SNX11: variants seen among roughly 807,000 people sequenced by gnomAD.
SNX11 encodes sorting nexin-11.
Under a neutral mutation model 30.7 loss-of-function variants are expected in SNX11, and 19 were observed. That is an observed-to-expected ratio of 0.62 (90% CI 0.43 to 0.91). The LOEUF (loss-of-function observed/expected upper bound fraction) is 0.91. Among genes scored for constraint, SNX11 ranks in the 40% least tolerant of loss-of-function variants. SNX11 has a pLI of 0.00. For missense variants in SNX11, 302 were observed against 326.7 expected (o/e 0.92, Z 0.58); for synonymous variants, 112 against 119.0 (o/e 0.94, Z 0.38).
intron 4 of SNX11, among the ~76,000 whole-genome samples, chr17:48,116,643 C>T (rs1252939093): frequency 2.7e-5 from 4 of 150,786 alleles, no homozygotes; most frequent in South Asian, 2.1e-4. Flanking sequence ...GGTGCAATCT[C>T]GGCTCACTGC....
intron 1 of SNX11, among the ~76,000 whole-genome samples, chr17:48,108,261 G>A (rs921702095): frequency 6.6e-6 from 1 of 152,236 alleles, no homozygotes; most frequent in Non-Finnish European, 1.5e-5. Flanking sequence ...CCTTCCAAGT[G>A]AAAGGCGTAC....
At chr17:48,117,711 A>G (rs2063559828) in intron 4 of SNX11, among the ~76,000 whole-genome samples, 1 of 152,118 alleles carries the variant, frequency 6.6e-6, no homozygotes, top group South Asian at 2.1e-4. Context: ...TTTCATAAAC[A>G]ACATAGTGTG....
chr17:48,120,639 G>A (rs1243818462), intron 6 of SNX11, among the ~76,000 whole-genome samples: 3 of 150,088 alleles, frequency 2.0e-5, no homozygotes, highest in Admixed American at 6.7e-5. Context: ...CTCCCGAGTA[G>A]CTGGGACTAC....
At chr17:48,111,710 C>T (rs2063494114) in intron 1 of SNX11, among the ~76,000 whole-genome samples, 1 of 151,446 alleles carries the variant, frequency 6.6e-6, no homozygotes, top group African/African-American at 2.4e-5. Flanking sequence ...CTGCATTCTT[C>T]AAGGCAAAAG....
chr17:48,121,183 A>G (rs1212106805), intron 6 of SNX11, 52 bp from the exon 7 acceptor site: 20 of 1,589,896 alleles, frequency 1.3e-5, no homozygotes, highest in East Asian at 4.5e-5. Context: ...GAGTCTCCCT[A>G]TGTTACCCAA....
chr17:48,108,350 T>C (rs1416785650), intron 1 of SNX11, among the ~76,000 whole-genome samples: 1 of 152,248 alleles, frequency 6.6e-6, no homozygotes, highest in Non-Finnish European at 1.5e-5. Context: ...GGGAGCTTCC[T>C]CTGTTTAGTA....
Position 48,112,640 on chromosome 17 carries a change from G to A in SNX11, c.109G>A (p.Asp37Asn). ...QNEGSWNSYV[D>N]YKIFLHTNSK... ...TGAGGGCTCCTGGAACTCTTATGTG[G>A]ATTATAAGATATTCCTCCATGTGAG... is the stretch of plus-strand genomic sequence containing the variant. Residue 37 changes from aspartate (D) to asparagine (N), a missense_variant, in exon 3 of 7, where the codon GAT becomes AAT. Coordinates refer to ENST00000359238, the MANE Select transcript of SNX11 (RefSeq NM_013323.3). 1 of 1,611,452 alleles carries A rather than the reference G, an allele frequency of 6.2e-7. No homozygotes were observed. Among genetic ancestry groups the A allele is most frequent in the Non-Finnish European group, 8.5e-7 (1 of 1,177,804 alleles).
At chr17:48,109,906 C>A (rs1028162543) in intron 1 of SNX11, among the ~76,000 whole-genome samples, 4 of 152,080 alleles carry the variant, frequency 2.6e-5, no homozygotes, top group African/African-American at 9.7e-5. Flanking sequence ...ATACAAACTT[C>A]CTGAGACCAA....
intron 6 of SNX11, among the ~76,000 whole-genome samples, 175 bp downstream of exon 6, chr17:48,119,361 G>C (rs2063576594): frequency 6.6e-6 from 1 of 152,218 alleles, no homozygotes; most frequent in African/African-American, 2.4e-5. Context: ...CCACCACTGG[G>C]TAGCAGGGGC....
At chr17:48,119,309 C>G in intron 6 of SNX11, 123 bp downstream of exon 6, 1 of 777,436 alleles carries the variant, frequency 1.3e-6, no homozygotes, top group Non-Finnish European at 2.1e-6. Flanking sequence ...CTTTCTTGTT[C>G]TTTGGGTGCG....
At chr17:48,112,995 C>G (rs1174206551) in intron 3 of SNX11, 3 of 291,766 alleles carry the variant, frequency 1.0e-5, no homozygotes, top group Non-Finnish European at 1.3e-5. Context: ...TCCTTGGCCT[C>G]CCAAAGTGCT....
chr17:48,110,773 T>C (rs2063484062), intron 1 of SNX11: 1 of 152,574 alleles, frequency 6.6e-6, no homozygotes, highest in Non-Finnish European at 1.5e-5. Context: ...TCAAGGTAAA[T>C]TGGAAAGGGA....
chr17:48,112,808 G>A (rs773714105), intron 3 of SNX11, 148 bp downstream of exon 3: 9 of 387,582 alleles, frequency 2.3e-5, no homozygotes, highest in South Asian at 4.6e-5. Context: ...TCGGCTTACT[G>A]CAACCTCCGC....
chr17:48,120,469 A>G (rs1478669368), intron 6 of SNX11, among the ~76,000 whole-genome samples: 4 of 145,900 alleles, frequency 2.7e-5, no homozygotes, highest in Non-Finnish European at 4.5e-5. Context: ...CAGCCTCCCA[A>G]AGTGCTGGGA....
At chr17:48,111,219 C>A in intron 1 of SNX11, 1 of 612,952 alleles carries the variant, frequency 1.6e-6, no homozygotes, top group Non-Finnish European at 2.0e-6. Flanking sequence ...CCTTGGAGTG[C>A]TCTAGCTCTA....
intron 1 of SNX11, among the ~76,000 whole-genome samples, chr17:48,111,540 G>A (rs1016238427): frequency 6.6e-6 from 1 of 151,990 alleles, no homozygotes; most frequent in Non-Finnish European, 1.5e-5. Context: ...CCAGCTACTC[G>A]GGAGACTGAG....
chr17:48,111,214 G>A (rs2063488520), intron 1 of SNX11: 2 of 674,778 alleles, frequency 3.0e-6, no homozygotes, highest in Non-Finnish European at 3.7e-6. Context: ...GTGCTCCTTG[G>A]AGTGCTCTAG....
Position 48,121,807 on chromosome 17 carries a change from A to G in SNX11, c.*299A>G. 2.9e-6 allele frequency: 1 copy of G among 345,528 alleles called. No individual in the cohort carries two copies. Among genetic ancestry groups the G allele is most frequent in the Non-Finnish European group, 5.4e-6 (1 of 186,528 alleles). 21.4% of individuals were successfully genotyped at this position (345,528 alleles called of 1,614,324 possible). ...CTGCAGGTCATTTGTATGTAGGACCAGGAGTATCTCCTCAGGTGACCAGTT... is the reference window on the plus strand; with the variant it reads ...CTGCAGGTCATTTGTATGTAGGACCGGGAGTATCTCCTCAGGTGACCAGTT... On this transcript the variant is annotated 3_prime_UTR_variant, in exon 7 of 7. Transcript: ENST00000359238.
intron 4 of SNX11, among the ~76,000 whole-genome samples, chr17:48,115,963 C>T (rs1480922480): frequency 7.4e-6 from 1 of 135,352 alleles, no homozygotes; most frequent in Non-Finnish European, 1.5e-5. Context: ...TTTTTTGAGA[C>T]AGAGCTTAGC....
Sources: allele counts gnomAD v4.1 joint callset (sites outside exome capture counted in the v4.1 genomes callset), GRCh38; gene constraint gnomAD v4.1.1; transcripts MANE v1.5; gene names NCBI Gene and HGNC (gene_info 2026-07-23, HGNC 2026-07-21).